Variants in STARD13 observed in about 807,000 individuals in gnomAD.
STARD13 encodes stAR-related lipid transfer protein 13.
STARD13 carries 62 observed loss-of-function variants against 106.4 expected under a neutral mutation model. That is an observed-to-expected ratio of 0.58 (90% CI 0.48 to 0.72). The LOEUF is 0.72. Among genes scored for constraint, STARD13 ranks in the 30% least tolerant of loss-of-function variants. STARD13 has a pLI of 0.00. For missense variants in STARD13, 1,387 were observed against 1,424.0 expected (o/e 0.97, Z 0.42); for synonymous variants, 565 against 553.0 (o/e 1.02, Z -0.31).
At chr13:33,499,591 CTTCTTCTTCTTCTTTCTT>C in the STARD13 span, among the ~76,000 whole-genome samples, 1 of 64,006 alleles carries the variant, frequency 1.6e-5, no homozygotes, top group Non-Finnish European at 3.2e-5. Context: ...TCTTCTTCTT[CTTCTTCTTCTTCTTTCTT>C]CTTCTTCTTC....
the STARD13 span, among the ~76,000 whole-genome samples, chr13:33,576,812 T>A: frequency 3.9e-5 from 6 of 152,192 alleles, no homozygotes; most frequent in Non-Finnish European, 7.4e-5. Context: ...ATAAGGTATG[T>A]TCATAGTAAC....
Position 33,110,827 on chromosome 13 carries a change from C to A in STARD13, c.2688G>T (p.Gly896=), listed in dbSNP as rs778075789. ...EIHVPTLEEL[G]TQLEESGATF... Reference sequence around the variant, plus strand: ...TTGCCCCACTCTCCTCCAGCTGTGTCCCCAATTCTTCCAGGGTTGGCACGT... The same window carrying A: ...TTGCCCCACTCTCCTCCAGCTGTGTACCCAATTCTTCCAGGGTTGGCACGT... Residue 896 remains glycine, a synonymous_variant, in exon 11 of 14, where the codon GGG becomes GGT. Coordinates refer to ENST00000336934, the MANE Select transcript of STARD13 (RefSeq NM_178006.4). 6.2e-7 allele frequency: 1 copy of A among 1,614,148 alleles called. No individual in the cohort carries two copies. The highest frequency in any genetic ancestry group is 1.1e-5 in the South Asian group (1 of 91,074).
At chr13:33,245,397 CAA>C (rs1435460648) in intron 1 of STARD13, among the ~76,000 whole-genome samples, 2 of 152,160 alleles carry the variant, frequency 1.3e-5, no homozygotes, top group East Asian at 3.8e-4. Context: ...CCTGTGAATG[CAA>C]AAGACTCGTG....
At chr13:33,308,969 G>T (rs535990092) in intron 1 of STARD13, among the ~76,000 whole-genome samples, 2 of 152,212 alleles carry the variant, frequency 1.3e-5, no homozygotes, top group Non-Finnish European at 2.9e-5. Flanking sequence ...GTCAGCAAGA[G>T]CCCCAGTGAA....
chr13:33,388,991 T>C, the STARD13 span, among the ~76,000 whole-genome samples: 8 of 151,516 alleles, frequency 5.3e-5, no homozygotes, highest in Non-Finnish European at 8.8e-5. Context: ...GTTTCGTTCT[T>C]GTTGCCCAGG....
chr13:33,543,791 C>G, the STARD13 span, among the ~76,000 whole-genome samples: 1 of 152,168 alleles, frequency 6.6e-6, no homozygotes, highest in South Asian at 2.1e-4. Flanking sequence ...TCAGGTGATT[C>G]TGATGCTGTT....
At chr13:33,427,499 G>A in the STARD13 span, among the ~76,000 whole-genome samples, 1 of 152,142 alleles carries the variant, frequency 6.6e-6, no homozygotes, top group Non-Finnish European at 1.5e-5. Flanking sequence ...GTTTTCACGA[G>A]CCATGCCATA....
At chr13:33,297,966 CA>C (rs1467308766) in intron 1 of STARD13, among the ~76,000 whole-genome samples, 2 of 151,892 alleles carry the variant, frequency 1.3e-5, no homozygotes, top group South Asian at 2.1e-4. Context: ...AAAGAGAAAA[CA>C]AAAAAAGTTT....
chr13:33,286,803 G>A (rs1267102715), upstream of STARD13, among the ~76,000 whole-genome samples: 2 of 151,870 alleles, frequency 1.3e-5, no homozygotes, highest in African/African-American at 2.4e-5. Flanking sequence ...AGAGTATATG[G>A]TTTAAGCAAA....
At chr13:33,613,832 G>A in the STARD13 span, among the ~76,000 whole-genome samples, 4 of 152,306 alleles carry the variant, frequency 2.6e-5, no homozygotes, top group African/African-American at 9.6e-5. Context: ...TTATCAGAAG[G>A]GGTGGGAAAG....
exon 2 of STARD13, chr13:33,349,047 C>A (rs900653285): frequency 2.9e-6 from 2 of 691,434 alleles, no homozygotes; most frequent in Non-Finnish European, 5.3e-6. Flanking sequence ...GAACACCTAG[C>A]AAACCACTTG....
At chr13:33,118,301 A>G (rs903373370) in intron 7 of STARD13, 38 bp from the exon 8 acceptor site, 18 of 1,584,802 alleles carry the variant, frequency 1.1e-5, no homozygotes, top group African/African-American at 5.4e-5. Flanking sequence ...GCCAGGCCAC[A>G]CTTGGTTGTG....
At chr13:33,596,176 T>C in the STARD13 span, among the ~76,000 whole-genome samples, 1 of 152,192 alleles carries the variant, frequency 6.6e-6, no homozygotes, top group Non-Finnish European at 1.5e-5. Context: ...GCATAGAGAA[T>C]TGAAAAATTA....
chr13:33,106,527 G>A (rs1873729310), intron 13 of STARD13, among the ~76,000 whole-genome samples: 1 of 152,144 alleles, frequency 6.6e-6, no homozygotes, highest in Non-Finnish European at 1.5e-5. Context: ...ATATAAGTAG[G>A]CATAAAACAG....
intron 3 of STARD13, among the ~76,000 whole-genome samples, chr13:33,160,814 T>C (rs538603365): frequency 2.6e-5 from 4 of 152,228 alleles, no homozygotes; most frequent in Non-Finnish European, 4.4e-5. Context: ...TCATACATTG[T>C]CAATGGCAGT....
At chr13:33,499,606 T>A in the STARD13 span, among the ~76,000 whole-genome samples, 4 of 56,744 alleles carry the variant, frequency 7.0e-5, no homozygotes, top group Non-Finnish European at 1.4e-4. Flanking sequence ...TCTTCTTCTT[T>A]CTTCTTCTTC....
chr13:33,111,947 A>G (rs1042132110), intron 9 of STARD13, 55 bp from the exon 10 acceptor site: 3 of 1,093,102 alleles, frequency 2.7e-6, no homozygotes, highest in African/African-American at 1.5e-5. Flanking sequence ...GCTTGTCACA[A>G]TACCAAACTC....
At chr13:33,542,605 G>T in the STARD13 span, among the ~76,000 whole-genome samples, 1 of 152,132 alleles carries the variant, frequency 6.6e-6, no homozygotes, top group Non-Finnish European at 1.5e-5. Flanking sequence ...CAGCAACCAG[G>T]GCCCGCTGGC....
chr13:33,630,725 G>A, the STARD13 span, among the ~76,000 whole-genome samples: 1 of 152,178 alleles, frequency 6.6e-6, no homozygotes, highest in Non-Finnish European at 1.5e-5. Context: ...TGTGCTAGCC[G>A]GTAGAGCCAC....
Sources: allele counts gnomAD v4.1 joint callset (sites outside exome capture counted in the v4.1 genomes callset), GRCh38; gene constraint gnomAD v4.1.1; transcripts MANE v1.5; gene names NCBI Gene and HGNC (gene_info 2026-07-23, HGNC 2026-07-21).